The following CEP44 variants were observed in gnomAD, a reference collection of about 807,000 sequenced individuals.
The protein encoded by CEP44 is centrosomal protein of 44 kDa.
CEP44 carries 45 observed loss-of-function variants against 46.7 expected under a neutral mutation model. That is an observed-to-expected ratio of 0.96 (90% CI 0.76 to 1.24). The LOEUF (loss-of-function observed/expected upper bound fraction) is 1.24, where lower values mean the gene tolerates loss of function less well. CEP44 is among the 50% of genes most tolerant of loss of function. The pLI is 0.00. For missense variants in CEP44, 475 were observed against 459.7 expected (o/e 1.03, Z -0.30); for synonymous variants, 142 against 146.0 (o/e 0.97, Z 0.20).
chr4:174,308,759 C>T lies in CEP44; in HGVS notation c.578C>T (p.Pro193Leu). Residue 193 changes from proline (P) to leucine (L), a missense_variant, in exon 7 of 12, where the codon CCA becomes CTA. Transcript: ENST00000503780. ...NVDISEDTLS[P>L]ITDVNEAVDV... ...GACATTTCTGAGGATACATTAAGTC[C>T]AATAACAGATGTTAATGAAGCAGTT... 6.2e-7 allele frequency: 1 copy of T among 1,613,162 alleles called. No homozygotes were observed. The highest frequency in any genetic ancestry group is 1.3e-5 in the African/African-American group (1 of 74,984).
rs1354982533 is a variant in CEP44, at chr4:174,331,088, A to G, written c.1087-394A>G. Among the ~76,000 whole-genome samples the G allele has an allele frequency of 6.6e-6, 1 of 152,176 alleles. No individual in the cohort carries two copies. Among genetic ancestry groups the G allele is most frequent in the Non-Finnish European group, 1.5e-5 (1 of 68,032 alleles). On this transcript the variant is annotated intron_variant, in intron 8 of 8. Transcript: ENST00000426172. This position sits in a 1 kb window ranked among gnomAD's most constrained non-coding sequence, Gnocchi z 4.5. ...ACCCATAAAAGGTATACTTTTCTAT[A>G]GGAATTGTTGTTTAAGTGTATGCTC...
At chr4:174,304,601 C>T (rs944377531) in intron 6 of CEP44, among the ~76,000 whole-genome samples, 3 of 152,130 alleles carry the variant, frequency 2.0e-5, no homozygotes, top group Non-Finnish European at 4.4e-5. Flanking sequence ...ATTTCTAATT[C>T]TGCCGGATTT....
chr4:174,301,902 T>A lies in CEP44; in HGVS notation c.90-137T>A. 1.4e-6 allele frequency: 1 copy of A among 722,192 alleles called. No individual in the cohort carries two copies. Among genetic ancestry groups the A allele is most frequent in the Admixed American group, 3.4e-5 (1 of 29,190 alleles). 44.7% of individuals were successfully genotyped at this position (722,192 alleles called of 1,614,324 possible). A position where few individuals can be genotyped will look rare whatever the true frequency, so the allele number is the denominator to read the frequency against. On this transcript the variant is annotated intron_variant, in intron 3 of 11. Transcript: ENST00000503780. The surrounding 1 kb of genome is among the most constrained non-coding windows in gnomAD (Gnocchi z 4.3). ...GGAATGGAATCTAGAAAGTCTCATG[T>A]ATCACCTAATTATTATAGCTATAGT...
intron 1 of CEP44, chr4:174,285,709 C>T (rs1737510995): frequency 6.6e-6 from 1 of 152,118 alleles, no homozygotes; most frequent in African/African-American, 2.4e-5. Context: ...GAAGGTATCC[C>T]TAGAAGAATT....
rs1206240022 is a variant in CEP44 at position 174,310,888 on chromosome 4, A to G, written c.961+30A>G. On this transcript the variant is annotated intron_variant, in intron 9 of 11. Transcript: ENST00000503780. This position sits in a 1 kb window ranked among gnomAD's most constrained non-coding sequence, Gnocchi z 4.2. ...GTTTGTAAATACTATGAGAATTGGTATGATGAGTTTTCAGAAAAATGATTG... is the reference window on the plus strand; with the variant it reads ...GTTTGTAAATACTATGAGAATTGGTGTGATGAGTTTTCAGAAAAATGATTG... 1.1e-5 allele frequency: 11 copies of G among 983,748 alleles called. No individual in the cohort carries two copies. The highest frequency in any genetic ancestry group is 1.6e-5 in the African/African-American group (1 of 60,670). The allele number at this position is 983,748 out of a possible 1,614,324, so 60.9% of individuals were successfully genotyped here. A position where few individuals can be genotyped will look rare whatever the true frequency, so the allele number is the denominator to read the frequency against.
At chr4:174,291,796 T>TTTTTTTTTTTTTTTTTTTTG in intron 1 of CEP44, among the ~76,000 whole-genome samples, 1 of 122,708 alleles carries the variant, frequency 8.1e-6, no homozygotes, top group Non-Finnish European at 1.7e-5. Context: ...TCTTTTTTTT[T>TTTTTTTTTTTTTTTTTTTTG]TTTTTTTTTT....
chr4:174,308,247 G>A (rs1228016693), intron 6 of CEP44, among the ~76,000 whole-genome samples: 1 of 152,110 alleles, frequency 6.6e-6, no homozygotes, highest in Non-Finnish European at 1.5e-5. Flanking sequence ...CAATGATAGA[G>A]CAGATAAAGA....
At chr4:174,327,113 TA>T (rs1742718066) in intron 8 of CEP44, among the ~76,000 whole-genome samples, 1 of 150,140 alleles carries the variant, frequency 6.7e-6, no homozygotes. Flanking sequence ...TATATATGTA[TA>T]TATATATCTA....
intron 6 of CEP44, among the ~76,000 whole-genome samples, 157 bp from the exon 7 acceptor site, chr4:174,308,532 T>C (rs1210800181): frequency 1.3e-5 from 2 of 152,084 alleles, no homozygotes; most frequent in Non-Finnish European, 2.9e-5. Flanking sequence ...CTAGGCTTAA[T>C]ACCTGGGTGA....
At chr4:174,305,127 T>C (rs1055210282) in intron 6 of CEP44, among the ~76,000 whole-genome samples, 4 of 152,220 alleles carry the variant, frequency 2.6e-5, no homozygotes, top group Non-Finnish European at 5.9e-5. Context: ...TAATCCAAAA[T>C]ACATGAGTTA....
rs1731223762 is a variant in CEP44, at chr4:174,329,891, T to G, written c.1087-1591T>G. Among the ~76,000 whole-genome samples, 1 of 152,148 alleles carries G rather than the reference T, an allele frequency of 6.6e-6. No homozygotes were observed. The highest frequency in any genetic ancestry group is 1.5e-5 in the Non-Finnish European group (1 of 68,022). On this transcript the variant is annotated intron_variant, in intron 8 of 8. Transcript: ENST00000426172. This position sits in a 1 kb window ranked among gnomAD's most constrained non-coding sequence, Gnocchi z 4.0. Reference sequence around the variant, plus strand: ...TCCTCTACCCTTAGGTCAAAAAGAATATGTAAACCAAAATATTTTAGATAG... The same window carrying G: ...TCCTCTACCCTTAGGTCAAAAAGAAGATGTAAACCAAAATATTTTAGATAG...
chr4:174,316,180 G>A lies in CEP44; in HGVS notation c.976G>A (p.Val326Ile). 1 of 1,612,778 alleles carries A rather than the reference G, an allele frequency of 6.2e-7. No homozygotes were observed. Among genetic ancestry groups the A allele is most frequent in the Non-Finnish European group, 8.5e-7 (1 of 1,179,720 alleles). The stretch of plus-strand genomic sequence containing the variant: ...TTTCTTCACAGACAGAAAAAGCGAA[G>A]TAGAGAGGCCAGCAAGTATTCCTCT... ...DLLNPHRKSE[V>I]ERPASIPLSS... The change falls in exon 10 of 12, where the codon GTA becomes ATA. Residue 326 changes from valine to isoleucine, a missense_variant. Physicochemically the swap from Val to Ile is conservative, Grantham distance 29. Transcript: ENST00000503780.
At chr4:174,308,427 G>A (rs920944774) in intron 6 of CEP44, among the ~76,000 whole-genome samples, 1 of 152,110 alleles carries the variant, frequency 6.6e-6, no homozygotes, top group African/African-American at 2.4e-5. Context: ...GCTAAATGAT[G>A]AGATCACATG....
At chr4:174,322,652 T>C (rs1460129120), downstream of CEP44, among the ~76,000 whole-genome samples, 1 of 152,184 alleles carries the variant, frequency 6.6e-6, no homozygotes, top group Admixed American at 6.6e-5. Flanking sequence ...CTTAGCACAA[T>C]GCTTGGTACA....
chr4:174,332,273 A>T (rs907737185), exon 9 of CEP44: 8 of 152,204 alleles, frequency 5.3e-5, no homozygotes, highest in Non-Finnish European at 1.0e-4. Context: ...AAGAAAAATA[A>T]ATTAAGTCCC....
At chr4:174,303,362 G>A (rs1384126843) in intron 4 of CEP44, among the ~76,000 whole-genome samples, 7 of 152,110 alleles carry the variant, frequency 4.6e-5, no homozygotes, top group South Asian at 2.1e-4. Flanking sequence ...TAGAACTATA[G>A]TTTCTGACTC....
At chr4:174,325,198 G>C (rs1257559712), downstream of CEP44, among the ~76,000 whole-genome samples, 2 of 152,052 alleles carry the variant, frequency 1.3e-5, no homozygotes, top group Non-Finnish European at 2.9e-5. The surrounding 1 kb of genome is among the most constrained non-coding windows in gnomAD (Gnocchi z 4.4). Flanking sequence ...ATTGTATTTA[G>C]GTTGTTTGTC....
At chr4:174,330,851 A>T (rs1731284847) in intron 8 of CEP44, among the ~76,000 whole-genome samples, 1 of 143,922 alleles carries the variant, frequency 6.9e-6, no homozygotes, top group African/African-American at 2.5e-5. Flanking sequence ...ATTCATTCTC[A>T]ACCTCTTTAT....
chr4:174,307,847 A>G (rs998405340), intron 6 of CEP44, among the ~76,000 whole-genome samples: 4 of 152,186 alleles, frequency 2.6e-5, no homozygotes, highest in Non-Finnish European at 5.9e-5. Context: ...GCCAATAATC[A>G]CATGAAAAAA....
Sources: allele counts gnomAD v4.1 joint callset (sites outside exome capture counted in the v4.1 genomes callset), GRCh38; gene constraint gnomAD v4.1.1; non-coding constraint Gnocchi (gnomAD v3.1); transcripts MANE v1.5; gene names NCBI Gene and HGNC (gene_info 2026-07-23, HGNC 2026-07-21).